The following CCNYL1 variants were observed in gnomAD, a reference collection of about 807,000 sequenced individuals.
CCNYL1 encodes cyclin-Y-like protein 1.
CCNYL1 carries 16 observed loss-of-function variants against 44.2 expected under a neutral mutation model. That is an observed-to-expected ratio of 0.36 (90% CI 0.25 to 0.55). CCNYL1 has a LOEUF of 0.55. CCNYL1 is among the 20% of genes least tolerant of loss of function. CCNYL1 has a pLI of 0.85. For synonymous variants in CCNYL1, 159 were observed against 163.2 expected (o/e 0.97, Z 0.20); for missense variants, 348 against 451.8 (o/e 0.77, Z 2.08).
intron 7 of CCNYL1, 33 bp from the exon 8 acceptor site, chr2:207,747,014 A>T: frequency 6.4e-7 from 1 of 1,574,180 alleles, no homozygotes; most frequent in Non-Finnish European, 8.7e-7. Context: ...TTTAAACTGA[A>T]CTAAAATCAA....
chr2:207,747,178 C>T lies in CCNYL1; in HGVS notation c.771C>T (p.Tyr257=). 2.5e-6 allele frequency: 4 copies of T among 1,613,930 alleles called. No individual in the cohort carries two copies. The highest frequency in any genetic ancestry group is 3.4e-6 in the Non-Finnish European group (4 of 1,179,882). Residue 257 remains tyrosine, a synonymous_variant, in exon 8 of 10, where the codon TAC becomes TAT. Transcript: ENST00000295414. ...WDDQAVWNVD[Y]CQILKDITVE... is the part of the protein sequence containing the mutation. Reference sequence around the variant, plus strand: ...ATCAGGCTGTATGGAATGTGGACTACTGCCAGATCCTCAAGGACATTACAG... The same window carrying T: ...ATCAGGCTGTATGGAATGTGGACTATTGCCAGATCCTCAAGGACATTACAG...
intron 1 of CCNYL1, among the ~76,000 whole-genome samples, chr2:207,717,331 G>C (rs769390335): frequency 3.9e-5 from 6 of 152,130 alleles, no homozygotes; most frequent in Non-Finnish European, 7.3e-5. Context: ...TAAAAGATGT[G>C]GGAAAACTGG....
At chr2:207,725,825 T>A (rs2551956) in intron 2 of CCNYL1, among the ~76,000 whole-genome samples, 23,605 of 152,192 alleles carry the variant, frequency 0.16, 3,025 homozygotes, top group East Asian at 0.38. Context: ...ATCTTCCTTA[T>A]AATTATGTTA....
At chr2:207,723,349 A>G (rs1026132335) in intron 1 of CCNYL1, among the ~76,000 whole-genome samples, 3 of 152,234 alleles carry the variant, frequency 2.0e-5, no homozygotes, top group Non-Finnish European at 4.4e-5. Context: ...TAAATTTGTG[A>G]AATGCTGAGT....
At chr2:207,716,292 C>G (rs2091594844) in intron 1 of CCNYL1, among the ~76,000 whole-genome samples, 1 of 150,718 alleles carries the variant, frequency 6.6e-6, no homozygotes, top group Non-Finnish European at 1.5e-5. Context: ...GGAAAAACCT[C>G]TGAGCAACAG....
intron 8 of CCNYL1, among the ~76,000 whole-genome samples, chr2:207,748,196 T>A (rs2091868487): frequency 6.6e-6 from 1 of 152,112 alleles, no homozygotes; most frequent in African/African-American, 2.4e-5. Flanking sequence ...TTTTTTGTAT[T>A]TAGAAATTGG....
At chr2:207,712,911 T>TC (rs2091562800) in intron 1 of CCNYL1, among the ~76,000 whole-genome samples, 1 of 152,118 alleles carries the variant, frequency 6.6e-6, no homozygotes, top group East Asian at 1.9e-4. Flanking sequence ...CGCCTCTCGG[T>TC]TTCAAGCGAT....
Position 207,755,669 on chromosome 2 carries a change from A to G in CCNYL1, c.*1971A>G, listed in dbSNP as rs567408200. The G allele has an allele frequency of 7.2e-5, 11 of 152,352 alleles. No homozygotes were observed. In the South Asian group the frequency reaches 2.3e-3, roughly 32 times the overall value. The allele number at this position is 152,352 out of a possible 1,614,324, so 9.4% of individuals were successfully genotyped here. A position where few individuals can be genotyped will look rare whatever the true frequency, so the allele number is the denominator to read the frequency against. On this transcript the variant is annotated 3_prime_UTR_variant, in exon 10 of 10. Coordinates refer to ENST00000295414, the MANE Select transcript of CCNYL1 (RefSeq NM_001330218.2). The stretch of plus-strand genomic sequence containing the variant: ...ATGAACAGCTGTTTTATCATCCTAC[A>G]TGCTACCAAGCTGTAGGTGTCCCAT...
At position 207,727,457 on chromosome 2, in the gene CCNYL1, C is replaced by G. The variant is rs183713068; in HGVS notation, c.330+581C>G. 2.0e-5 allele frequency among the ~76,000 whole-genome samples: 3 copies of G among 152,284 alleles called. No individual in the cohort carries two copies. In the East Asian group the frequency reaches 5.8e-4, roughly 29 times the overall value. On this transcript the variant is annotated intron_variant, in intron 3 of 9. Coordinates refer to ENST00000295414, the MANE Select transcript of CCNYL1 (RefSeq NM_001330218.2). ...ATCTGGGCGTGTCTGCACGTCTCTT[C>G]CTAGCCTCCACTAGCTCACACAGCC...
At chr2:207,736,257 CT>C (rs913125868) in intron 4 of CCNYL1, among the ~76,000 whole-genome samples, 1 of 152,198 alleles carries the variant, frequency 6.6e-6, no homozygotes, top group Non-Finnish European at 1.5e-5. Flanking sequence ...ATGTTACAGA[CT>C]TTTTAAAAAA....
rs534661684 is a variant in CCNYL1 at position 207,731,523 on chromosome 2, T to A, written c.331-2424T>A. 6.6e-5 allele frequency among the ~76,000 whole-genome samples: 10 copies of A among 152,270 alleles called. 1 individual carries two copies. The South Asian group carries it at 2.1e-3, about 32-fold the overall frequency. On this transcript the variant is annotated intron_variant, in intron 3 of 9. Transcript: ENST00000295414. The stretch of plus-strand genomic sequence containing the variant: ...AGTGTTTTGTTGTTTGGATTTTTTT[T>A]AAGTATTTATATTTTATATTATTAT...
rs747116921 is a variant in CCNYL1, at chr2:207,753,678, T to A, written c.1060T>A (p.Ser354Thr). Reference sequence around the variant, plus strand: ...TGATAACTTCATTGGTATTCAGCGCTCTAAAGCCATCCTCTCTTAAAAGGA... The same window carrying A: ...TGATAACTTCATTGGTATTCAGCGCACTAAAGCCATCCTCTCTTAAAAGGA... The part of the protein sequence containing the change: ...SADNFIGIQR[S>T]KAILS Residue 354 changes from serine (S) to threonine (T), a missense_variant, in exon 10 of 10, where the codon TCT (serine) becomes ACT (threonine). Physicochemically the swap from Ser to Thr is moderately conservative, Grantham distance 58. Coordinates refer to ENST00000295414, the MANE Select transcript of CCNYL1 (RefSeq NM_001330218.2). 1.9e-6 allele frequency: 3 copies of A among 1,610,444 alleles called. No individual in the cohort carries two copies. In the Admixed American group the frequency reaches 5.0e-5, roughly 27 times the overall value.
At chr2:207,732,358 T>A (rs1279171638) in intron 3 of CCNYL1, among the ~76,000 whole-genome samples, 1 of 152,204 alleles carries the variant, frequency 6.6e-6, no homozygotes, top group African/African-American at 2.4e-5. Context: ...GACTTTTTGT[T>A]AGTAAGAATT....
At chr2:207,720,103 G>A (rs978084593) in intron 1 of CCNYL1, among the ~76,000 whole-genome samples, 3 of 143,462 alleles carry the variant, frequency 2.1e-5, no homozygotes, top group Non-Finnish European at 4.5e-5. Context: ...CAGAAAAATC[G>A]CTTCAACTCA....
At chr2:207,743,612 G>C (rs1364944708) in intron 7 of CCNYL1, among the ~76,000 whole-genome samples, 2 of 152,058 alleles carry the variant, frequency 1.3e-5, no homozygotes, top group Non-Finnish European at 2.9e-5. Context: ...GTGGATAGAA[G>C]ATAGATCTCT....
At chr2:207,752,716 T>TA (rs2091902691) in intron 9 of CCNYL1, among the ~76,000 whole-genome samples, 1 of 152,082 alleles carries the variant, frequency 6.6e-6, no homozygotes, top group African/African-American at 2.4e-5. Context: ...TTTAGAATAA[T>TA]ATGTATTTCT....
At chr2:207,740,854 G>A (rs2091803630) in intron 6 of CCNYL1, 148 bp downstream of exon 6, 1 of 620,516 alleles carries the variant, frequency 1.6e-6, no homozygotes. Flanking sequence ...TTAAAATGGT[G>A]TAAACATTTA....
intron 6 of CCNYL1, among the ~76,000 whole-genome samples, chr2:207,741,161 A>G (rs2091806593): frequency 2.0e-5 from 3 of 152,270 alleles, no homozygotes; most frequent in Non-Finnish European, 2.9e-5. Context: ...AGGCTGAGGC[A>G]GGAGAATGGC....
At chr2:207,714,233 G>A (rs1176946355) in intron 1 of CCNYL1, 1 of 366,506 alleles carries the variant, frequency 2.7e-6, no homozygotes, top group Non-Finnish European at 5.2e-6. Context: ...AAATAGTCCT[G>A]TTTTTGAGAA....
Sources: gnomAD v4.1 joint callset for allele counts (sites outside exome capture counted in the v4.1 genomes callset) on GRCh38, gnomAD v4.1.1 for gene constraint, MANE v1.5 for transcripts, NCBI Gene and HGNC (gene_info 2026-07-23, HGNC 2026-07-21) for gene names.